Variants in FNDC8 observed in about 807,000 individuals in gnomAD.
FNDC8 encodes the protein fibronectin type III domain containing 8.
In FNDC8, 23 loss-of-function variants were observed where a neutral mutation model predicts 24.8. The observed-to-expected ratio is 0.93, with a 90% CI of 0.67 to 1.31. The LOEUF (loss-of-function observed/expected upper bound fraction) is 1.31. FNDC8 is among the 40% of genes most tolerant of loss of function. FNDC8 has a pLI of 0.00. For synonymous variants in FNDC8, 158 were observed against 165.3 expected, an observed-to-expected ratio of 0.96 and a Z score of 0.34; for missense variants, 371 against 398.2, an observed-to-expected ratio of 0.93 and a Z score of 0.58.
chr17:35,127,448 A>G, intron 2 of FNDC8, 31 bp downstream of exon 2: 1 of 1,513,134 alleles, frequency 6.6e-7, no homozygotes, highest in Non-Finnish European at 8.8e-7. Context: ...CGTTCAGCAG[A>G]GGCTTATTGT....
intron 1 of FNDC8, among the ~76,000 whole-genome samples, chr17:35,126,165 AC>A (rs997597191): frequency 6.6e-6 from 1 of 151,768 alleles, no homozygotes; most frequent in Non-Finnish European, 1.5e-5. Flanking sequence ...CAGGTAATAC[AC>A]CCACCTTGGC....
chr17:35,129,793 G>A (rs2091865543), intron 3 of FNDC8, 135 bp downstream of exon 3: 11 of 1,452,042 alleles, frequency 7.6e-6, no homozygotes, highest in Non-Finnish European at 9.9e-6. Flanking sequence ...GGGTCAAGAA[G>A]CATCAATTCC....
chr17:35,129,303 C>A, intron 2 of FNDC8, 119 bp from the exon 3 acceptor site: 2 of 1,343,054 alleles, frequency 1.5e-6, no homozygotes, highest in Non-Finnish European at 2.1e-6. Context: ...ATCTGACCTG[C>A]CTGGGCCCCA....
intron 1 of FNDC8, among the ~76,000 whole-genome samples, chr17:35,124,963 G>A (rs935084527): frequency 5.3e-5 from 8 of 150,866 alleles, no homozygotes; most frequent in Non-Finnish European, 1.0e-4. Context: ...CACGAGAATC[G>A]CTTAAGCCAG....
chr17:35,129,720 G>A, intron 3 of FNDC8, 62 bp downstream of exon 3: 3 of 1,570,782 alleles, frequency 1.9e-6, no homozygotes, highest in Non-Finnish European at 2.6e-6. Context: ...GGGAACCAGG[G>A]CTTTGGAGGT....
At chr17:35,125,417 A>AAAAAAC (rs1365169336) in intron 1 of FNDC8, among the ~76,000 whole-genome samples, 3 of 152,228 alleles carry the variant, frequency 2.0e-5, no homozygotes, top group Admixed American at 6.5e-5. Flanking sequence ...ACCCTGTCTC[A>AAAAAAC]AAAAACAAAA....
chr17:35,129,853 C>T (rs903074068), intron 3 of FNDC8, 195 bp downstream of exon 3: 31 of 1,424,236 alleles, frequency 2.2e-5, no homozygotes, highest in Non-Finnish European at 2.7e-5. Flanking sequence ...CTGGGGCCCA[C>T]TAGGAATGCA....
intron 2 of FNDC8, among the ~76,000 whole-genome samples, chr17:35,127,987 G>A (rs1049867338): frequency 1.3e-5 from 2 of 152,144 alleles, no homozygotes; most frequent in Non-Finnish European, 2.9e-5. Flanking sequence ...CGGGCTACAC[G>A]TCGAACAACA....
At chr17:35,121,990 T>C (rs2091827955) in intron 1 of FNDC8, 88 bp downstream of exon 1, 5 of 503,214 alleles carry the variant, frequency 9.9e-6, no homozygotes, top group East Asian at 6.3e-5. Context: ...TTCCTTCCTT[T>C]TTTTTTTTTT....
chr17:35,130,580 G>A lies in FNDC8; in HGVS notation c.*146G>A. On this transcript the variant is annotated 3_prime_UTR_variant, in exon 4 of 4. Coordinates refer to ENST00000158009, the MANE Select transcript of FNDC8 (RefSeq NM_017559.4). ...GTATGGGCACCCCACCCCTGGGCTG[G>A]GGCCAAGGCTACATAGGGGCCCCAT... The A allele has an allele frequency of 1.2e-6, 1 of 855,668 alleles. No individual in the cohort carries two copies. Among genetic ancestry groups the A allele is most frequent in the South Asian group, 1.8e-5 (1 of 55,644 alleles). The allele number at this position is 855,668 out of a possible 1,614,324, so 53.0% of individuals were successfully genotyped here. A position where few individuals can be genotyped will look rare whatever the true frequency, so the allele number is the denominator to read the frequency against.
At chr17:35,121,980 TTCCTTCC>T in intron 1 of FNDC8, 78 bp downstream of exon 1, 2 of 918,386 alleles carry the variant, frequency 2.2e-6, no homozygotes, top group Non-Finnish European at 3.0e-6. Flanking sequence ...CCTTCCTTCC[TTCCTTCC>T]TTTTTTTTTT....
At position 35,130,593 on chromosome 17, in the gene FNDC8, A is replaced by G; in HGVS notation, c.*159A>G. The G allele has an allele frequency of 1.3e-6, 1 of 765,492 alleles. No individual in the cohort carries two copies. Among genetic ancestry groups the G allele is most frequent in the Non-Finnish European group, 2.0e-6 (1 of 490,984 alleles). The allele number at this position is 765,492 out of a possible 1,614,324, so 47.4% of individuals were successfully genotyped here. A position where few individuals can be genotyped will look rare whatever the true frequency, so the allele number is the denominator to read the frequency against. ...ACCCCTGGGCTGGGGCCAAGGCTAC[A>G]TAGGGGCCCCATTCACCTGGAGGCA... is the stretch of plus-strand genomic sequence containing the variant. On this transcript the variant is annotated 3_prime_UTR_variant, in exon 4 of 4. Transcript: ENST00000158009.
In FNDC8 at chr17:35,130,604, A is replaced by T; in HGVS notation, c.*170A>T. 2 of 672,770 alleles carry T rather than the reference A, an allele frequency of 3.0e-6. No individual in the cohort carries two copies. The highest frequency in any genetic ancestry group is 4.9e-6 in the Non-Finnish European group (2 of 407,566). 41.7% of individuals were successfully genotyped at this position (672,770 alleles called of 1,614,324 possible). Reference sequence around the variant, plus strand: ...GGGGCCAAGGCTACATAGGGGCCCCATTCACCTGGAGGCATCTCAGGCCAG... The same window carrying T: ...GGGGCCAAGGCTACATAGGGGCCCCTTTCACCTGGAGGCATCTCAGGCCAG... On this transcript the variant is annotated 3_prime_UTR_variant, in exon 4 of 4. Coordinates refer to ENST00000158009, the MANE Select transcript of FNDC8 (RefSeq NM_017559.4).
Position 35,129,437 on chromosome 17 carries a change from G to C in FNDC8, c.601G>C (p.Ala201Pro), listed in dbSNP as rs889890231. The C allele has an allele frequency of 8.7e-6, 14 of 1,613,990 alleles. No homozygotes were observed. Among genetic ancestry groups the C allele is most frequent in the South Asian group, 3.3e-5 (3 of 91,062 alleles). The change falls in exon 3 of 4, where the codon GCC becomes CCC. Residue 201 changes from alanine (A) to proline (P), a missense_variant. By Grantham distance (27) the Ala-to-Pro change is conservative (BLOSUM62 -1). Coordinates refer to ENST00000158009, the MANE Select transcript of FNDC8 (RefSeq NM_017559.4). ...NSTAVISWTY[A>P]LGKQPVSFYQ... ...CTTCCCCTAGATTTCCTGGACCTAC[G>C]CCTTGGGCAAGCAGCCGGTCAGTTT...
rs753511517 is a variant in FNDC8 at position 35,130,278 on chromosome 17, T to C, written c.823-4T>C. ...CTCTGAAGGGTTTTCTTGTTTCACT[T>C]CAGTTTGCAACCCTGGCCACTGACT... On this transcript the variant is annotated splice_polypyrimidine_tract_variant and splice_region_variant and intron_variant, in intron 3 of 3. Transcript: ENST00000158009. 7 of 1,613,224 alleles carry C rather than the reference T, an allele frequency of 4.3e-6. No homozygotes were observed. The highest frequency in any genetic ancestry group is 5.9e-6 in the Non-Finnish European group (7 of 1,179,538).
In FNDC8 at chr17:35,129,591, C is replaced by T. The variant is rs372597482; in HGVS notation, c.755C>T (p.Thr252Met). Residue 252 changes from threonine to methionine, a missense_variant, in exon 3 of 4, where the codon ACG becomes ATG. Thr to Met is a moderately conservative substitution (Grantham distance 81, BLOSUM62 -1). Coordinates refer to ENST00000158009, the MANE Select transcript of FNDC8 (RefSeq NM_017559.4). ...AAGCTGATGGAGCTAAAGCCTAACA[C>T]GTGTTACTGCCTCAGTGTCCGTGCA... Reference protein sequence around the residue: ...TVKLMELKPNTCYCLSVRAAN... With the variant: ...TVKLMELKPNMCYCLSVRAAN... The T allele has an allele frequency of 1.9e-5, 30 of 1,614,182 alleles. No homozygotes were observed. Among genetic ancestry groups the T allele is most frequent in the African/African-American group, 1.6e-4 (12 of 75,036 alleles).
At chr17:35,123,576 A>G (rs978021448) in intron 1 of FNDC8, among the ~76,000 whole-genome samples, 4 of 152,120 alleles carry the variant, frequency 2.6e-5, no homozygotes, top group East Asian at 1.9e-4. Context: ...CGTCTCTACT[A>G]AAAATACAAA....
chr17:35,129,248 G>C, intron 2 of FNDC8, 174 bp from the exon 3 acceptor site: 3 of 776,796 alleles, frequency 3.9e-6, no homozygotes, highest in Non-Finnish European at 6.3e-6. Context: ...TACATGCTTC[G>C]GGGCAGGGGT....
chr17:35,127,300 T>C lies in FNDC8; in HGVS notation c.468T>C (p.Leu156=), dbSNP rs1386485023. 1.9e-6 allele frequency: 3 copies of C among 1,613,916 alleles called. No individual in the cohort carries two copies. In the African/African-American group the frequency reaches 4.0e-5, roughly 22 times the overall value. ...SQMATRGLLD[L]DNPELETETS... The stretch of plus-strand genomic sequence containing the variant: ...TGGCCACAAGGGGCCTGCTGGACCT[T>C]GACAACCCTGAGCTGGAGACAGAAA... Residue 156 remains leucine, a synonymous_variant, in exon 2 of 4, where the codon CTT becomes CTC. Coordinates refer to ENST00000158009, the MANE Select transcript of FNDC8 (RefSeq NM_017559.4).
Sources: allele counts gnomAD v4.1 joint callset (sites outside exome capture counted in the v4.1 genomes callset), GRCh38; gene constraint gnomAD v4.1.1; transcripts MANE v1.5; gene names NCBI Gene and HGNC (gene_info 2026-07-23, HGNC 2026-07-21).